COL6A6: variants seen among roughly 807,000 people sequenced by gnomAD.
COL6A6 encodes the protein collagen type VI alpha 6 chain, also known as collagen alpha-6(VI) chain.
COL6A6 carries 183 observed loss-of-function variants against 208.6 expected under a neutral mutation model. That is an observed-to-expected ratio of 0.88 (90% CI 0.78 to 0.99). The LOEUF is 0.99. Ranked by LOEUF, COL6A6 falls within the 50% of genes least tolerant of loss-of-function variation. The pLI is 0.00. For synonymous variants in COL6A6, 973 were observed against 1,011.8 expected (o/e 0.96, Z 0.73); for missense variants, 2,816 against 2,815.2 (o/e 1.00, Z -0.01).
chr3:130,519,346 T>C (rs1159229081), intron 1 of COL6A6, among the ~76,000 whole-genome samples: 2 of 152,160 alleles, frequency 1.3e-5, no homozygotes, highest in East Asian at 3.8e-4. Flanking sequence ...CTCAAAAATA[T>C]GGGTTTGTGA....
At chr3:130,636,173 T>A (rs1358857047) in intron 28 of COL6A6, among the ~76,000 whole-genome samples, 1 of 152,232 alleles carries the variant, frequency 6.6e-6, no homozygotes, top group Non-Finnish European at 1.5e-5. Context: ...TTTAATGAGA[T>A]ACATGCAGAA....
At chr3:130,592,490 G>C in intron 13 of COL6A6, 51 bp from the exon 14 acceptor site, 1 of 1,413,550 alleles carries the variant, frequency 7.1e-7, no homozygotes, top group Non-Finnish European at 9.7e-7. Context: ...TTTCAAGACA[G>C]ATCTCAGATT....
chr3:130,542,344 A>AT (rs1186355124), intron 1 of COL6A6, among the ~76,000 whole-genome samples: 3 of 151,430 alleles, frequency 2.0e-5, no homozygotes, highest in African/African-American at 4.9e-5. Flanking sequence ...TTCCAGCTAC[A>AT]TTTTTTGTTA....
At chr3:130,544,848 T>C (rs908432212) in intron 1 of COL6A6, among the ~76,000 whole-genome samples, 4 of 152,224 alleles carry the variant, frequency 2.6e-5, no homozygotes, top group African/African-American at 9.6e-5. Context: ...AAATTTCTGT[T>C]CCGGTCCTTT....
chr3:130,628,310 C>T (rs1353628350), intron 26 of COL6A6, among the ~76,000 whole-genome samples: 1 of 152,112 alleles, frequency 6.6e-6, no homozygotes, highest in East Asian at 1.9e-4. Flanking sequence ...GAACATTAGC[C>T]ACCCTATAAA....
intron 1 of COL6A6, among the ~76,000 whole-genome samples, chr3:130,556,883 G>T (rs1195287252): frequency 6.6e-6 from 1 of 152,202 alleles, no homozygotes; most frequent in Admixed American, 6.5e-5. Context: ...CCTGCCATAG[G>T]TGGTCATCTG....
chr3:130,593,141 C>G (rs1330169549), intron 16 of COL6A6, 36 bp downstream of exon 16: 3 of 1,611,568 alleles, frequency 1.9e-6, no homozygotes, highest in East Asian at 2.2e-5. Flanking sequence ...CCCTTCTGAG[C>G]TATTTACCAT....
Position 130,539,853 on chromosome 3 carries a change from G to C in COL6A6, c.-31-20481G>C, listed in dbSNP as rs143335059. Reference sequence around the variant, plus strand: ...CTGCTGTCAGCATTTAAATGAACTGGAGGCTTAATTGCCTGATCTCTTTCC... The same window carrying C: ...CTGCTGTCAGCATTTAAATGAACTGCAGGCTTAATTGCCTGATCTCTTTCC... On this transcript the variant is annotated intron_variant, in intron 1 of 36. Coordinates refer to ENST00000358511, the MANE Select transcript of COL6A6 (RefSeq NM_001102608.3). Among the ~76,000 whole-genome samples the C allele has an allele frequency of 1.1e-3, 160 of 152,226 alleles. 3 individuals are homozygous for C. In the East Asian group the frequency reaches 0.023, roughly 22 times the overall value.
At chr3:130,669,795 GTATGAA>G (rs2066166282) in intron 36 of COL6A6, among the ~76,000 whole-genome samples, 1 of 151,884 alleles carries the variant, frequency 6.6e-6, no homozygotes, top group Non-Finnish European at 1.5e-5. Flanking sequence ...TCTTTAGCAC[GTATGAA>G]TATTACTTTT....
At chr3:130,528,136 C>A (rs1032166452) in intron 1 of COL6A6, among the ~76,000 whole-genome samples, 2 of 151,938 alleles carry the variant, frequency 1.3e-5, no homozygotes, top group African/African-American at 2.4e-5. Context: ...TCAGAGGGAA[C>A]CTAAGTTAAT....
chr3:130,523,247 C>T (rs1242721083), intron 1 of COL6A6, among the ~76,000 whole-genome samples: 2 of 152,118 alleles, frequency 1.3e-5, no homozygotes, highest in African/African-American at 4.8e-5. Context: ...TAGAACTTAG[C>T]TACTATGTTC....
chr3:130,607,786 A>G (rs1304543751), intron 21 of COL6A6, among the ~76,000 whole-genome samples: 8 of 152,242 alleles, frequency 5.3e-5, no homozygotes, highest in Admixed American at 5.2e-4. Context: ...ACACTTGTAG[A>G]CAAAGAGACC....
At position 130,565,344 on chromosome 3, in the gene COL6A6, C is replaced by T; in HGVS notation, c.1012C>T (p.Leu338=). The part of the protein sequence containing the change: ...KNQGVPQIAV[L]VTHRDSEDNV... ...TCAGGGGGTGCCCCAGATTGCCGTGCTGGTGACCCACCGAGATTCAGAAGA... is the reference window on the plus strand; with the variant it reads ...TCAGGGGGTGCCCCAGATTGCCGTGTTGGTGACCCACCGAGATTCAGAAGA... The change falls in exon 4 of 37, where the codon CTG becomes TTG. Residue 338 remains leucine (L), a synonymous_variant. Coordinates refer to ENST00000358511, the MANE Select transcript of COL6A6 (RefSeq NM_001102608.3). The T allele has an allele frequency of 6.2e-7, 1 of 1,610,014 alleles. No homozygotes were observed. Among genetic ancestry groups the T allele is most frequent in the Non-Finnish European group, 8.5e-7 (1 of 1,178,342 alleles).
chr3:130,610,347 C>T (rs2064318348), intron 22 of COL6A6, among the ~76,000 whole-genome samples: 1 of 152,086 alleles, frequency 6.6e-6, no homozygotes, highest in African/African-American at 2.4e-5. Context: ...TTCTTTCTAA[C>T]AAGAGAAATG....
At chr3:130,563,765 G>A in intron 3 of COL6A6, 101 bp downstream of exon 3, 3 of 788,170 alleles carry the variant, frequency 3.8e-6, no homozygotes, top group Non-Finnish European at 6.1e-6. Context: ...TCCCCAAAAT[G>A]GGCTGCATTT....
chr3:130,641,687 T>TG lies in COL6A6; in HGVS notation c.5131dup (p.Glu1711GlyfsTer8). The TG allele has an allele frequency of 1.2e-6, 2 of 1,600,306 alleles. No homozygotes were observed. The highest frequency in any genetic ancestry group is 1.7e-4 in the Middle Eastern group (1 of 5,968). On this transcript the variant is annotated frameshift_variant, in exon 29 of 37. Coordinates refer to ENST00000358511, the MANE Select transcript of COL6A6 (RefSeq NM_001102608.3). LOFTEE classifies it high-confidence loss of function. ...GGCTTCCAGGAGAGATGGGATCCCC[T>TG]GGGGAACCAGGACCTCCTGGACGTA...
intron 20 of COL6A6, among the ~76,000 whole-genome samples, chr3:130,600,521 A>G (rs1279029727): frequency 6.6e-6 from 1 of 152,218 alleles, no homozygotes; most frequent in Non-Finnish European, 1.5e-5. Flanking sequence ...TACACCATGG[A>G]ATACTATGCA....
chr3:130,628,082 G>A (rs1232304838), intron 26 of COL6A6, among the ~76,000 whole-genome samples: 3 of 152,184 alleles, frequency 2.0e-5, no homozygotes, highest in Non-Finnish European at 4.4e-5. Flanking sequence ...CTAAAATATT[G>A]AAGGATGAAC....
chr3:130,662,208 C>T lies in COL6A6; in HGVS notation c.6402C>T (p.Ser2134=), dbSNP rs1352438853. ...ACAAGGAACTGGAGGATCTCGCCAG[C>T]CACCCTTTGGATCACCACCTGGTCC... ...WDDKELEDLA[S]HPLDHHLVQL... Residue 2134 remains serine, a synonymous_variant, in exon 35 of 37, where the codon AGC becomes AGT. Coordinates refer to ENST00000358511, the MANE Select transcript of COL6A6 (RefSeq NM_001102608.3). The T allele has an allele frequency of 6.2e-7, 1 of 1,613,986 alleles. No homozygotes were observed. Among genetic ancestry groups the T allele is most frequent in the South Asian group, 1.1e-5 (1 of 91,084 alleles).
Sources: gnomAD v4.1 joint callset for allele counts (sites outside exome capture counted in the v4.1 genomes callset) on GRCh38, gnomAD v4.1.1 for gene constraint, MANE v1.5 for transcripts, NCBI Gene and HGNC (gene_info 2026-07-23, HGNC 2026-07-21) for gene names.